TTC23: variants seen among roughly 807,000 people sequenced by gnomAD.
TTC23 encodes the protein tetratricopeptide repeat protein 23.
Under a neutral mutation model 55.1 loss-of-function variants are expected in TTC23, and 58 were observed. The observed-to-expected ratio is 1.05, with a 90% confidence interval of 0.85 to 1.31. TTC23 has a LOEUF of 1.31. Ranked by LOEUF, TTC23 falls within the 50% of genes most tolerant of loss-of-function variation. TTC23 has a pLI of 0.00. For synonymous variants in TTC23, 203 were observed against 199.9 expected (o/e 1.02, Z -0.13); for missense variants, 516 against 534.4 (o/e 0.97, Z 0.34).
At chr15:99,239,225 C>T (rs1022996032) in intron 3 of TTC23, among the ~76,000 whole-genome samples, 5 of 152,094 alleles carry the variant, frequency 3.3e-5, no homozygotes, top group Non-Finnish European at 5.9e-5. Context: ...GGCTCACGCC[C>T]GTAATCCCAG....
At chr15:99,210,402 A>C (rs949901040) in intron 8 of TTC23, among the ~76,000 whole-genome samples, 1 of 152,218 alleles carries the variant, frequency 6.6e-6, no homozygotes, top group Non-Finnish European at 1.5e-5. Context: ...AGTTAAGAGC[A>C]TATCTTCAAC....
At chr15:99,249,092 C>T (rs2152110966) in intron 1 of TTC23, 79 bp downstream of exon 1, 1 of 152,240 alleles carries the variant, frequency 6.6e-6, no homozygotes, top group African/African-American at 2.4e-5. Flanking sequence ...TAAATCCACA[C>T]TTAAGCAACA....
chr15:99,225,610 A>G (rs1469973871), intron 5 of TTC23, among the ~76,000 whole-genome samples: 1 of 152,234 alleles, frequency 6.6e-6, no homozygotes, highest in Non-Finnish European at 1.5e-5. Context: ...CCATACTGAT[A>G]GGAATAAATG....
intron 2 of TTC23, 121 bp downstream of exon 2, chr15:99,245,268 T>G (rs935526902): frequency 6.6e-6 from 1 of 152,210 alleles, no homozygotes; most frequent in African/African-American, 2.4e-5. Context: ...TCCCAGCACT[T>G]TGGGAGGCCG....
intron 8 of TTC23, among the ~76,000 whole-genome samples, chr15:99,201,558 AG>A (rs1170262145): frequency 6.6e-6 from 1 of 152,204 alleles, no homozygotes; most frequent in African/African-American, 2.4e-5. Context: ...ATAGAAGTAA[AG>A]ATACTTTTCG....
intron 2 of TTC23, among the ~76,000 whole-genome samples, chr15:99,243,825 AG>A (rs1425020455): frequency 6.6e-6 from 1 of 152,186 alleles, no homozygotes; most frequent in Non-Finnish European, 1.5e-5. Flanking sequence ...GAAGCTGGGA[AG>A]GGTATTGGGC....
At chr15:99,231,240 T>C (rs1222829672) in intron 4 of TTC23, among the ~76,000 whole-genome samples, 1 of 152,238 alleles carries the variant, frequency 6.6e-6, no homozygotes, top group Non-Finnish European at 1.5e-5. Context: ...TTTAATATAC[T>C]ACATTTTATA....
In TTC23 at chr15:99,165,558, C is replaced by G. The variant is rs546214276; in HGVS notation, c.866-3691G>C. Among the ~76,000 whole-genome samples, 9 of 152,308 alleles carry G rather than the reference C, an allele frequency of 5.9e-5. No individual in the cohort carries two copies. In the East Asian group the frequency reaches 1.7e-3, roughly 29 times the overall value. The stretch of plus-strand genomic sequence containing the variant: ...GAATTGCACTCAGTGCCAGCTGGCC[C>G]TGGGGTCTGCAGTGAGGCAGAAATC... On this transcript the variant is annotated intron_variant, in intron 10 of 13. Coordinates refer to ENST00000394132, the MANE Select transcript of TTC23 (RefSeq NM_001288615.3).
chr15:99,214,852 CT>C (rs777804106), intron 8 of TTC23, among the ~76,000 whole-genome samples: 3,138 of 99,816 alleles, frequency 0.031, 87 homozygotes, highest in African/African-American at 0.11. Context: ...TTCTTTTCTC[CT>C]TTTTTTTTTT....
At chr15:99,251,040 T>A (rs961573335), upstream of TTC23, 1 of 121,104 alleles carries the variant, frequency 8.3e-6, no homozygotes, top group Non-Finnish European at 1.7e-5. Context: ...GTGGGATCAT[T>A]GTTGTAATCC....
chr15:99,250,723 T>C (rs1214383558), upstream of TTC23, among the ~76,000 whole-genome samples: 3 of 152,178 alleles, frequency 2.0e-5, no homozygotes, highest in East Asian at 5.8e-4. Context: ...CTAGGAAGTG[T>C]CATTGTATTT....
chr15:99,180,164 T>G (rs1338792572), intron 9 of TTC23, among the ~76,000 whole-genome samples: 2 of 152,160 alleles, frequency 1.3e-5, no homozygotes, highest in Non-Finnish European at 2.9e-5. Context: ...TCCCCAGGGC[T>G]TGCATTTCCC....
intron 8 of TTC23, among the ~76,000 whole-genome samples, chr15:99,202,237 A>G (rs1473370846): frequency 6.6e-6 from 1 of 152,178 alleles, no homozygotes; most frequent in Non-Finnish European, 1.5e-5. Context: ...TTTCCACCTA[A>G]TTTAGCCTAG....
intron 10 of TTC23, among the ~76,000 whole-genome samples, chr15:99,170,189 C>G (rs2072719477): frequency 6.6e-6 from 1 of 152,060 alleles, no homozygotes; most frequent in Admixed American, 6.5e-5. Context: ...CAATCACAAG[C>G]CTTCGTGACT....
At position 99,200,033 on chromosome 15, in the gene TTC23, A is replaced by G. The variant is rs753862001; in HGVS notation, c.645T>C (p.Tyr215=). The G allele has an allele frequency of 6.2e-7, 1 of 1,613,998 alleles. No individual in the cohort carries two copies. Among genetic ancestry groups the G allele is most frequent in the Non-Finnish European group, 8.5e-7 (1 of 1,179,928 alleles). Residue 215 remains tyrosine, a synonymous_variant, in exon 9 of 14, where the codon TAT becomes TAC. Transcript: ENST00000394132. ...TTGTTTCACCTTTACTGATCTCAAC[A>G]TATTCCAAAGCTGCTTGATAGTGGG... ...ALSHYQAALE[Y]VEISKGETSR... is the part of the protein sequence containing the mutation.
intron 3 of TTC23, among the ~76,000 whole-genome samples, chr15:99,238,559 T>G (rs2079515186): frequency 6.6e-6 from 1 of 152,110 alleles, no homozygotes; most frequent in South Asian, 2.1e-4. Flanking sequence ...GCAGAGTGAA[T>G]AATTACAAAA....
At chr15:99,200,761 T>C (rs556606380) in intron 8 of TTC23, among the ~76,000 whole-genome samples, 2 of 152,266 alleles carry the variant, frequency 1.3e-5, no homozygotes, top group South Asian at 4.1e-4. Context: ...GGCAAGAAGA[T>C]ATATATATAG....
At chr15:99,143,325 G>A (rs1596203347) in intron 12 of TTC23, among the ~76,000 whole-genome samples, 1 of 152,232 alleles carries the variant, frequency 6.6e-6, no homozygotes, top group East Asian at 1.9e-4. Flanking sequence ...GCATTTTTGT[G>A]TGAAGTAGGT....
At chr15:99,233,176 T>A (rs71399864) in intron 4 of TTC23, among the ~76,000 whole-genome samples, 3 of 152,094 alleles carry the variant, frequency 2.0e-5, no homozygotes, top group East Asian at 3.8e-4. Context: ...ACATGGTGAC[T>A]ACTGTATTGT....
Sources: allele counts gnomAD v4.1 joint callset (sites outside exome capture counted in the v4.1 genomes callset), GRCh38; gene constraint gnomAD v4.1.1; transcripts MANE v1.5; gene names NCBI Gene and HGNC (gene_info 2026-07-23, HGNC 2026-07-21).